PACRGL: variants seen among roughly 807,000 people sequenced by gnomAD.
PACRGL encodes the protein parkin coregulated like.
Under a neutral mutation model 34.5 loss-of-function variants are expected in PACRGL, and 38 were observed. That is an observed-to-expected ratio of 1.10 (90% CI 0.85 to 1.44). The LOEUF is 1.44. PACRGL is among the 40% of genes most tolerant of loss of function. The probability of loss-of-function intolerance (pLI) is 0.00; values close to 1 mark genes in which losing one functional copy is unlikely to be tolerated. For missense variants in PACRGL, 305 were observed against 281.4 expected (o/e 1.08, Z -0.60); for synonymous variants, 128 against 100.1 (o/e 1.28, Z -1.66).
At chr4:20,760,660 G>C in the PACRGL span, among the ~76,000 whole-genome samples, 2 of 152,278 alleles carry the variant, frequency 1.3e-5, no homozygotes, top group African/African-American at 2.4e-5. Flanking sequence ...CACAGAGGCA[G>C]AACTGGAGGT....
downstream of PACRGL, among the ~76,000 whole-genome samples, chr4:20,754,252 T>A (rs920582209): frequency 6.6e-6 from 1 of 152,160 alleles, no homozygotes; most frequent in African/African-American, 2.4e-5. Context: ...TTTGATAAAC[T>A]GTTTCACAAA....
intron 1 of PACRGL, chr4:20,702,057 T>G (rs1245826533): frequency 2.3e-6 from 1 of 440,082 alleles, no homozygotes; most frequent in Non-Finnish European, 4.6e-6. Flanking sequence ...AAGCTCGATT[T>G]TCTACCATGT....
intron 7 of PACRGL, among the ~76,000 whole-genome samples, chr4:20,718,537 T>G (rs1292067889): frequency 6.6e-6 from 1 of 152,232 alleles, no homozygotes; most frequent in Non-Finnish European, 1.5e-5. Context: ...GTTTTTAGCA[T>G]GAAGGGTTGC....
At chr4:20,722,316 C>T (rs186492115) in intron 7 of PACRGL, among the ~76,000 whole-genome samples, 116 of 151,992 alleles carry the variant, frequency 7.6e-4, no homozygotes, top group African/African-American at 2.4e-3. Flanking sequence ...ACACTTGGTG[C>T]GCTATACCCG....
chr4:20,752,411 A>C (rs752230629), intron 8 of PACRGL, among the ~76,000 whole-genome samples: 2 of 152,200 alleles, frequency 1.3e-5, no homozygotes, highest in African/African-American at 4.8e-5. Flanking sequence ...AAGTGTTTAG[A>C]AATAATCCTA....
At chr4:20,761,957 G>T in the PACRGL span, among the ~76,000 whole-genome samples, 1 of 152,078 alleles carries the variant, frequency 6.6e-6, no homozygotes, top group South Asian at 2.1e-4. Context: ...TAGGAACTGG[G>T]ACTGCTACAA....
intron 7 of PACRGL, among the ~76,000 whole-genome samples, chr4:20,721,920 G>T (rs1743447323): frequency 6.6e-6 from 1 of 152,220 alleles, no homozygotes; most frequent in South Asian, 2.1e-4. Flanking sequence ...CCTGCCCCCA[G>T]AGGTGGAGTC....
At chr4:20,697,458 G>T (rs2149012036), upstream of PACRGL, among the ~76,000 whole-genome samples, 1 of 152,228 alleles carries the variant, frequency 6.6e-6, no homozygotes, top group African/African-American at 2.4e-5. Flanking sequence ...ACTTTGGTTA[G>T]ATTTATTACC....
At chr4:20,725,333 G>A (rs1331173767) in intron 8 of PACRGL, among the ~76,000 whole-genome samples, 3 of 148,396 alleles carry the variant, frequency 2.0e-5, no homozygotes, top group African/African-American at 2.5e-5. Context: ...CTGTAAGTGC[G>A]TGCATACCCC....
chr4:20,748,283 A>G (rs1459948379), intron 8 of PACRGL, among the ~76,000 whole-genome samples: 1 of 151,902 alleles, frequency 6.6e-6, no homozygotes, highest in Non-Finnish European at 1.5e-5. Context: ...CTTGGTTCCC[A>G]GGCCTGATAT....
At chr4:20,748,591 T>G (rs1752923004) in intron 8 of PACRGL, among the ~76,000 whole-genome samples, 1 of 102,404 alleles carries the variant, frequency 9.8e-6, no homozygotes, top group East Asian at 2.6e-4. Flanking sequence ...TATATATATA[T>G]ATATATATAT....
At chr4:20,765,494 T>C in the PACRGL span, among the ~76,000 whole-genome samples, 107 of 152,312 alleles carry the variant, frequency 7.0e-4, no homozygotes, top group Non-Finnish European at 1.4e-3. Context: ...GCAATCTTTT[T>C]CTTTTTAGAA....
In PACRGL at chr4:20,730,720, C is replaced by T. The variant is rs557424120; in HGVS notation, c.*3379C>T. Among the ~76,000 whole-genome samples, 1 of 152,260 alleles carries T rather than the reference C, an allele frequency of 6.6e-6. No individual in the cohort carries two copies. The highest frequency in any genetic ancestry group is 1.5e-5 in the Non-Finnish European group (1 of 68,016). ...CAATTACAGAGAAAGAATTGGGGAGCAGAAACCACTGCTCAGTGGCTGTGT... is the reference window on the plus strand; with the variant it reads ...CAATTACAGAGAAAGAATTGGGGAGTAGAAACCACTGCTCAGTGGCTGTGT... On this transcript the variant is annotated 3_prime_UTR_variant, in exon 9 of 9. Coordinates refer to ENST00000503585, the MANE Select transcript of PACRGL (RefSeq NM_001258345.3).
chr4:20,711,084 A>AACAC (rs1553866906), intron 5 of PACRGL, among the ~76,000 whole-genome samples: 1 of 151,794 alleles, frequency 6.6e-6, no homozygotes, highest in East Asian at 1.9e-4. Flanking sequence ...TGCTATCTCA[A>AACAC]ACACACACAC....
chr4:20,731,974 G>T lies in PACRGL; in HGVS notation c.*4633G>T, dbSNP rs1164571995. 6.2e-7 allele frequency: 1 copy of T among 1,611,526 alleles called. No individual in the cohort carries two copies. Among genetic ancestry groups the T allele is most frequent in the Admixed American group, 1.7e-5 (1 of 59,802 alleles). Reference sequence around the variant, plus strand: ...ACTCAGTTTAGCTGTTATGATAGCTGAATTGATAGTTATTACACTTTCATT... The same window carrying T: ...ACTCAGTTTAGCTGTTATGATAGCTTAATTGATAGTTATTACACTTTCATT... On this transcript the variant is annotated 3_prime_UTR_variant, in exon 9 of 9. Coordinates refer to ENST00000503585, the MANE Select transcript of PACRGL (RefSeq NM_001258345.3).
intron 7 of PACRGL, among the ~76,000 whole-genome samples, chr4:20,722,323 C>T (rs933846519): frequency 6.6e-6 from 1 of 152,204 alleles, no homozygotes; most frequent in Non-Finnish European, 1.5e-5. Flanking sequence ...GTGCGCTATA[C>T]CCGCTGTCCT....
At chr4:20,765,052 C>T in the PACRGL span, among the ~76,000 whole-genome samples, 5 of 152,192 alleles carry the variant, frequency 3.3e-5, no homozygotes, top group Non-Finnish European at 7.3e-5. Context: ...TTGACAGAGA[C>T]ATCTTTTTGC....
chr4:20,716,332 T>G, intron 7 of PACRGL: 1 of 573,082 alleles, frequency 1.7e-6, no homozygotes, highest in South Asian at 2.3e-5. Flanking sequence ...ATTCATGCAG[T>G]GTTTTTTTTT....
downstream of PACRGL, chr4:20,732,837 A>C (rs776963533): frequency 4.6e-6 from 5 of 1,085,296 alleles, no homozygotes; most frequent in Non-Finnish European, 6.9e-6. Context: ...TGAAGAAACC[A>C]GTCTAAGAAG....
Sources: allele counts gnomAD v4.1 joint callset (sites outside exome capture counted in the v4.1 genomes callset), GRCh38; gene constraint gnomAD v4.1.1; transcripts MANE v1.5; gene names NCBI Gene and HGNC (gene_info 2026-07-23, HGNC 2026-07-21).